Variants in CSMD3 observed in about 807,000 individuals in gnomAD.
CSMD3 encodes CUB and sushi domain-containing protein 3.
Under a neutral mutation model 435.2 loss-of-function variants are expected in CSMD3, and 177 were observed. The ratio of observed to expected loss-of-function variants is 0.41; its 90% CI spans 0.36 to 0.46. The LOEUF is 0.46. Ranked by LOEUF, CSMD3 falls within the 20% of genes least tolerant of loss-of-function variation. The pLI, the probability that CSMD3 is intolerant of heterozygous loss-of-function variation, is 0.34. For synonymous variants in CSMD3, 1,656 were observed against 1,520.5 expected, an observed-to-expected ratio of 1.09 and a Z score of -2.07; for missense variants, 4,265 against 4,504.6, an observed-to-expected ratio of 0.95 and a Z score of 1.52.
intron 1 of CSMD3, among the ~76,000 whole-genome samples, chr8:113,359,566 A>G (rs1282040212): frequency 1.3e-5 from 2 of 152,188 alleles, no homozygotes; most frequent in Admixed American, 1.3e-4. Context: ...CAATCTAGAA[A>G]GAGGGCAGGA....
At chr8:112,510,720 T>G (rs1415839911) in intron 28 of CSMD3, among the ~76,000 whole-genome samples, 1 of 152,208 alleles carries the variant, frequency 6.6e-6, no homozygotes, top group Non-Finnish European at 1.5e-5. Context: ...CCCATCTCGG[T>G]CATTTCTTTG....
intron 37 of CSMD3, among the ~76,000 whole-genome samples, chr8:112,382,459 T>C (rs1317542257): frequency 6.6e-6 from 1 of 152,164 alleles, no homozygotes; most frequent in Non-Finnish European, 1.5e-5. Context: ...TTTCTTTTCC[T>C]CATTGGTGAT....
chr8:112,880,334 C>T (rs771049009), intron 10 of CSMD3, among the ~76,000 whole-genome samples: 63 of 151,970 alleles, frequency 4.1e-4, no homozygotes, highest in Non-Finnish European at 2.1e-4. Flanking sequence ...TGGGATCCTA[C>T]GCTTAAGGAG....
chr8:112,664,996 A>G (rs2075485421), intron 17 of CSMD3, among the ~76,000 whole-genome samples: 1 of 152,166 alleles, frequency 6.6e-6, no homozygotes, highest in African/African-American at 2.4e-5. Flanking sequence ...GTGTTAAATT[A>G]AGTTTAGCTT....
At chr8:112,846,453 G>A (rs940242347) in intron 11 of CSMD3, among the ~76,000 whole-genome samples, 1 of 151,268 alleles carries the variant, frequency 6.6e-6, no homozygotes, top group Non-Finnish European at 1.5e-5. Flanking sequence ...ACCCAGGCTG[G>A]AATGCAGCAG....
chr8:113,358,268 T>G (rs1245326324), intron 1 of CSMD3, among the ~76,000 whole-genome samples: 3 of 152,264 alleles, frequency 2.0e-5, no homozygotes, highest in Non-Finnish European at 4.4e-5. Flanking sequence ...AGAAAATTTC[T>G]GGATTTAAAA....
At chr8:112,653,304 T>A (rs2075175520) in intron 18 of CSMD3, among the ~76,000 whole-genome samples, 2 of 152,238 alleles carry the variant, frequency 1.3e-5, no homozygotes, top group South Asian at 4.1e-4. Context: ...CATTTTATGT[T>A]TCTGTTTCTA....
intron 5 of CSMD3, among the ~76,000 whole-genome samples, chr8:113,088,531 T>C (rs1304537914): frequency 6.6e-6 from 1 of 151,156 alleles, no homozygotes; most frequent in African/African-American, 2.4e-5. Flanking sequence ...TATGCAGCCA[T>C]AAAAAAGGAT....
chr8:113,057,924 C>T (rs1587983247), intron 5 of CSMD3, among the ~76,000 whole-genome samples: 1 of 151,452 alleles, frequency 6.6e-6, no homozygotes, highest in East Asian at 1.9e-4. Context: ...TAATACGTGT[C>T]CTAAATAAAA....
At chr8:112,572,716 T>C (rs1563718997) in intron 24 of CSMD3, among the ~76,000 whole-genome samples, 1 of 152,110 alleles carries the variant, frequency 6.6e-6, no homozygotes, top group African/African-American at 2.4e-5. Flanking sequence ...ATCTGACAGA[T>C]TGTAAATTTA....
intron 12 of CSMD3, among the ~76,000 whole-genome samples, chr8:112,808,155 G>C (rs2079137302): frequency 6.6e-6 from 1 of 152,114 alleles, no homozygotes; most frequent in South Asian, 2.1e-4. Context: ...GTGGCAGTTG[G>C]ATTTCATAGA....
intron 4 of CSMD3, among the ~76,000 whole-genome samples, chr8:113,127,909 A>T (rs1224918940): frequency 2.0e-5 from 3 of 152,014 alleles, no homozygotes; most frequent in African/African-American, 7.2e-5. Context: ...ATTTAGTCAA[A>T]CACTTCAACC....
chr8:113,159,992 T>G (rs2092007741), intron 4 of CSMD3, among the ~76,000 whole-genome samples: 1 of 151,898 alleles, frequency 6.6e-6, no homozygotes. Flanking sequence ...ATCAAAACAC[T>G]GGTGCTCAGG....
intron 5 of CSMD3, among the ~76,000 whole-genome samples, chr8:113,047,725 A>G (rs1373297705): frequency 6.6e-6 from 1 of 152,222 alleles, no homozygotes; most frequent in Non-Finnish European, 1.5e-5. Context: ...GAATTTGTGA[A>G]TGCTTAAATG....
intron 4 of CSMD3, among the ~76,000 whole-genome samples, chr8:113,121,395 G>A (rs2090981500): frequency 6.6e-6 from 1 of 152,016 alleles, no homozygotes; most frequent in African/African-American, 2.4e-5. Context: ...TTTCTACAAA[G>A]GTGGATTTGT....
chr8:112,958,995 T>C (rs2084134195), intron 7 of CSMD3, among the ~76,000 whole-genome samples: 1 of 152,122 alleles, frequency 6.6e-6, no homozygotes, highest in South Asian at 2.1e-4. Flanking sequence ...TAAGCTTCTA[T>C]AACTTAAAGT....
At chr8:113,171,733 T>G (rs2092271535) in intron 4 of CSMD3, among the ~76,000 whole-genome samples, 1 of 152,180 alleles carries the variant, frequency 6.6e-6, no homozygotes, top group Non-Finnish European at 1.5e-5. Flanking sequence ...CCACAGCCCA[T>G]TTGCTTTTGG....
intron 45 of CSMD3, among the ~76,000 whole-genome samples, chr8:112,322,169 A>G (rs188817490): frequency 8.5e-5 from 13 of 152,186 alleles, no homozygotes; most frequent in Admixed American, 7.2e-4. Context: ...AGTTATTTTA[A>G]TCTTCATGCT....
intron 19 of CSMD3, among the ~76,000 whole-genome samples, chr8:112,648,871 G>T (rs541732937): frequency 4.0e-4 from 61 of 152,262 alleles, no homozygotes; most frequent in South Asian, 8.3e-4. Flanking sequence ...AGGGATAGAT[G>T]AGCACATGAC....
Sources: gnomAD v4.1 joint callset for allele counts (sites outside exome capture counted in the v4.1 genomes callset) on GRCh38, gnomAD v4.1.1 for gene constraint, MANE v1.5 for transcripts, NCBI Gene and HGNC (gene_info 2026-07-23, HGNC 2026-07-21) for gene names.